Variants in BANP observed in about 807,000 individuals in gnomAD.
The protein encoded by BANP is BTG3 associated nuclear protein, also known as protein BANP.
A neutral mutation model predicts 68.1 loss-of-function variants in BANP; 11 were observed. The observed-to-expected ratio is 0.16, with a 90% confidence interval of 0.10 to 0.27. BANP has a LOEUF of 0.27. BANP is among the 10% of genes least tolerant of loss of function. The pLI, the probability that BANP is intolerant of heterozygous loss-of-function variation, is 1.00. For missense variants in BANP, 504 were observed against 722.7 expected (o/e 0.70, Z 3.47); for synonymous variants, 329 against 303.2 (o/e 1.09, Z -0.88).
At chr16:88,068,630 T>G (rs983087266) in intron 12 of BANP, among the ~76,000 whole-genome samples, 3 of 152,108 alleles carry the variant, frequency 2.0e-5, no homozygotes, top group African/African-American at 7.2e-5. Flanking sequence ...CCTCCTCCAG[T>G]GGGCGCCAGC....
intron 1 of BANP, among the ~76,000 whole-genome samples, chr16:87,952,950 C>T (rs1287386198): frequency 6.6e-6 from 1 of 152,028 alleles, no homozygotes; most frequent in Non-Finnish European, 1.5e-5. Flanking sequence ...TTGTATTTTT[C>T]GTAGAGAGGG....
In BANP at chr16:88,064,150, C is replaced by T. The variant is rs957981497; in HGVS notation, c.1312-1117C>T. ...AGGGTCAGGGGGCTCTCTTCAGAGA[C>T]GGCAGAGCACGAGGCTGGGGCAGGA... On this transcript the variant is annotated intron_variant, in intron 11 of 13. Coordinates refer to ENST00000682872, the MANE Select transcript of BANP (RefSeq NM_001386991.1). The surrounding 1 kb of genome is among the most constrained non-coding windows in gnomAD (Gnocchi z 4.5). Among the ~76,000 whole-genome samples the T allele has an allele frequency of 1.4e-5, 2 of 143,194 alleles. No individual in the cohort carries two copies. The highest frequency in any genetic ancestry group is 3.8e-3 in the Middle Eastern group (1 of 264). The allele number at this position is 143,194 out of a possible 152,430, so 93.9% of individuals were successfully genotyped here. A position where few individuals can be genotyped will look rare whatever the true frequency, so the allele number is the denominator to read the frequency against.
intron 2 of BANP, among the ~76,000 whole-genome samples, chr16:87,979,388 G>A (rs937271581): frequency 2.0e-5 from 3 of 152,142 alleles, no homozygotes; most frequent in Non-Finnish European, 4.4e-5. Flanking sequence ...GCTGTGGGGT[G>A]GGTGCTGTGA....
At position 87,981,009 on chromosome 16, in the gene BANP, A is replaced by AT. The variant is rs200726462; in HGVS notation, c.71-19dup. 3.8e-3 allele frequency: 5,766 copies of AT among 1,525,260 alleles called. 130 individuals are homozygous for AT. In the African/African-American group the frequency reaches 0.053, roughly 14 times the overall value. The allele number at this position is 1,525,260 out of a possible 1,614,324, so 94.5% of individuals were successfully genotyped here. A position where few individuals can be genotyped will look rare whatever the true frequency, so the allele number is the denominator to read the frequency against. On this transcript the variant is annotated intron_variant, in intron 2 of 13. Coordinates refer to ENST00000682872, the MANE Select transcript of BANP (RefSeq NM_001386991.1). ...TTCTGTAAAACTTTTCATGTTAAAC[A>AT]TTTTTTTTCTCTGTCACTGATTTCA...
chr16:88,052,136 T>A (rs1165673325), intron 11 of BANP, among the ~76,000 whole-genome samples: 2 of 152,158 alleles, frequency 1.3e-5, no homozygotes, highest in Non-Finnish European at 2.9e-5. Context: ...TTGTTCTAAT[T>A]ACTACTAAAT....
rs924211037 is a variant in BANP, at chr16:87,953,777, C to G, written c.-69+2262C>G. 2.0e-5 allele frequency among the ~76,000 whole-genome samples: 3 copies of G among 152,196 alleles called. No homozygotes were observed. The East Asian group carries it at 5.8e-4, about 29-fold the overall frequency. Reference sequence around the variant, plus strand: ...GTGTCAGGTCCCCTTTCTCCTTCAGCCCCTGTCCTTCTCATCTGGATGGGT... The same window carrying G: ...GTGTCAGGTCCCCTTTCTCCTTCAGGCCCTGTCCTTCTCATCTGGATGGGT... On this transcript the variant is annotated intron_variant, in intron 1 of 13. Transcript: ENST00000682872.
intron 11 of BANP, among the ~76,000 whole-genome samples, chr16:88,042,243 G>A (rs1361027693): frequency 6.6e-6 from 1 of 152,248 alleles, no homozygotes; most frequent in Non-Finnish European, 1.5e-5. Flanking sequence ...TGGAAAGATT[G>A]GCAGAGCACC....
At chr16:88,007,262 G>A (rs937078921) in intron 6 of BANP, among the ~76,000 whole-genome samples, 1 of 152,170 alleles carries the variant, frequency 6.6e-6, no homozygotes, top group African/African-American at 2.4e-5. Flanking sequence ...TTGGATCAGT[G>A]TCTGGACGTG....
intron 6 of BANP, among the ~76,000 whole-genome samples, chr16:88,011,815 T>A (rs1303100854): frequency 6.6e-6 from 1 of 152,016 alleles, no homozygotes; most frequent in Non-Finnish European, 1.5e-5. Context: ...CCCCTCTTCC[T>A]CTCCCCTCCC....
At chr16:88,013,408 C>G (rs2073723352) in intron 6 of BANP, among the ~76,000 whole-genome samples, 1 of 151,956 alleles carries the variant, frequency 6.6e-6, no homozygotes, top group Non-Finnish European at 1.5e-5. Flanking sequence ...TAGACCGCTG[C>G]CCGCACCCAT....
rs2079475432 is a variant in BANP, at chr16:88,036,792, A to G, written c.1273-1181A>G. Among the ~76,000 whole-genome samples, 1 of 152,172 alleles carries G rather than the reference A, an allele frequency of 6.6e-6. No individual in the cohort carries two copies. The highest frequency in any genetic ancestry group is 1.5e-5 in the Non-Finnish European group (1 of 68,032). On this transcript the variant is annotated intron_variant, in intron 10 of 13. Coordinates refer to ENST00000682872, the MANE Select transcript of BANP (RefSeq NM_001386991.1). This position sits in a 1 kb window ranked among gnomAD's most constrained non-coding sequence, Gnocchi z 4.2. The stretch of plus-strand genomic sequence containing the variant: ...GGAGCAGGTAGGGGACGGTCCCAGG[A>G]GGCCAGAGTGTCCAGGAAGGAGCAG...
Position 88,065,308 on chromosome 16 carries a change from C to T in BANP, c.1353C>T (p.Ser451=), listed in dbSNP as rs757357170. 19 of 770,010 alleles carry T rather than the reference C, an allele frequency of 2.5e-5. No homozygotes were observed. The highest frequency in any genetic ancestry group is 4.5e-5 in the Non-Finnish European group (19 of 417,828). 47.7% of individuals were successfully genotyped at this position (770,010 alleles called of 1,614,324 possible). A position where few individuals can be genotyped will look rare whatever the true frequency, so the allele number is the denominator to read the frequency against. ...ATRIPCLLAP[S]VFKASSGQVL... is the part of the protein sequence containing the mutation. ...GCATCCCCTGCCTCCTGGCCCCATC[C>T]GTCTTCAAAGCCAGCAGTGGCCAGG... Residue 451 remains serine, a synonymous_variant, in exon 12 of 14, where the codon TCC becomes TCT. Coordinates refer to ENST00000682872, the MANE Select transcript of BANP (RefSeq NM_001386991.1).
chr16:88,069,376 T>A (rs2089702722), intron 12 of BANP, among the ~76,000 whole-genome samples: 1 of 152,250 alleles, frequency 6.6e-6, no homozygotes, highest in African/African-American at 2.4e-5. Context: ...AAACTAGAAT[T>A]CTGCTTTAAA....
chr16:87,992,853 A>G (rs1161477352), intron 4 of BANP, among the ~76,000 whole-genome samples: 1 of 151,770 alleles, frequency 6.6e-6, no homozygotes, highest in Non-Finnish European at 1.5e-5. Context: ...GTGTCTCTCA[A>G]GATTATTTTC....
chr16:87,989,097 C>T (rs2065212713), intron 4 of BANP, among the ~76,000 whole-genome samples: 1 of 152,010 alleles, frequency 6.6e-6, no homozygotes, highest in Non-Finnish European at 1.5e-5. Context: ...TAAATAACTT[C>T]GAGAACAAAG....
Position 88,004,273 on chromosome 16 carries a change from T to C in BANP, c.363-22T>C, listed in dbSNP as rs1414771009. 1 of 1,399,930 alleles carries C rather than the reference T, an allele frequency of 7.1e-7. No homozygotes were observed. Among genetic ancestry groups the C allele is most frequent in the Non-Finnish European group, 9.9e-7 (1 of 1,010,262 alleles). 86.7% of individuals were successfully genotyped at this position (1,399,930 alleles called of 1,614,324 possible). On this transcript the variant is annotated intron_variant, in intron 4 of 13. Transcript: ENST00000682872. This position sits in a 1 kb window ranked among gnomAD's most constrained non-coding sequence, Gnocchi z 7.0. Reference sequence around the variant, plus strand: ...TGTTGTTTTAAGGCCTTCTTTTTCTTTGTGATTCTTTTGTTCCCTAGCGTC... The same window carrying C: ...TGTTGTTTTAAGGCCTTCTTTTTCTCTGTGATTCTTTTGTTCCCTAGCGTC...
chr16:88,065,199 C>T, intron 11 of BANP, 68 bp from the exon 12 acceptor site: 1 of 657,844 alleles, frequency 1.5e-6, no homozygotes, highest in South Asian at 1.7e-5. Flanking sequence ...TCTCAGTGGG[C>T]TGAAAGCAAG....
At chr16:87,986,679 C>T (rs1325969282) in intron 4 of BANP, among the ~76,000 whole-genome samples, 3 of 152,200 alleles carry the variant, frequency 2.0e-5, no homozygotes, top group Non-Finnish European at 4.4e-5. Flanking sequence ...ATGTTAGTCA[C>T]AGACCTGCCG....
chr16:88,054,146 C>G (rs1184302867), intron 11 of BANP, among the ~76,000 whole-genome samples: 1 of 118,172 alleles, frequency 8.5e-6, no homozygotes. Flanking sequence ...AACACTACCA[C>G]CACCACCTCC....
Sources: gnomAD v4.1 joint callset for allele counts (sites outside exome capture counted in the v4.1 genomes callset) on GRCh38, gnomAD v4.1.1 for gene constraint, Gnocchi (gnomAD v3.1) non-coding constraint, MANE v1.5 for transcripts, NCBI Gene and HGNC (gene_info 2026-07-23, HGNC 2026-07-21) for gene names.